MIA2: variants seen among roughly 807,000 people sequenced by gnomAD.
MIA2 encodes melanoma inhibitory activity protein 2.
In MIA2, 127 loss-of-function variants were observed where a neutral mutation model predicts 167.8. That is an observed-to-expected ratio of 0.76 (90% CI 0.66 to 0.88). The LOEUF (loss-of-function observed/expected upper bound fraction) is 0.88, where lower values mean the gene tolerates loss of function less well. Ranked by LOEUF, MIA2 falls within the 40% of genes least tolerant of loss-of-function variation. The pLI is 0.00. For synonymous variants in MIA2, 552 were observed against 541.9 expected, an observed-to-expected ratio of 1.02 and a Z score of -0.26; for missense variants, 1,690 against 1,624.7, an observed-to-expected ratio of 1.04 and a Z score of -0.69.
chr14:39,361,118 T>A (rs1411013115), intron 23 of MIA2, among the ~76,000 whole-genome samples: 4 of 152,228 alleles, frequency 2.6e-5, no homozygotes, highest in African/African-American at 9.6e-5. Flanking sequence ...AGGATTGCTT[T>A]GGCTAGTTCT....
chr14:39,348,936 C>T lies in MIA2; in HGVS notation c.4031C>T (p.Pro1344Leu). 1 of 1,614,094 alleles carries T rather than the reference C, an allele frequency of 6.2e-7. No individual in the cohort carries two copies. Among genetic ancestry groups the T allele is most frequent in the Non-Finnish European group, 8.5e-7 (1 of 1,179,986 alleles). The change falls in exon 28 of 29, where the codon CCA (proline) becomes CTA (leucine). Residue 1344 changes from proline (P) to leucine (L), a missense_variant. Transcript: ENST00000640607. ...TTTGGAGCTTCTCGAGATTATTTTC[C>T]ACCAGGGGATTTCCCAGGTCCACCA... is the stretch of plus-strand genomic sequence containing the variant. The part of the protein sequence containing the change: ...AMFGASRDYF[P>L]PGDFPGPPPA...
intron 7 of MIA2, among the ~76,000 whole-genome samples, chr14:39,277,576 TGG>T (rs1164646174): frequency 6.7e-6 from 1 of 148,848 alleles, no homozygotes; most frequent in Non-Finnish European, 1.5e-5. Context: ...CTCAAACTCC[TGG>T]GCTCAAGTGA....
chr14:39,384,427 G>A (rs1428404093), intron 23 of MIA2, among the ~76,000 whole-genome samples: 1 of 152,166 alleles, frequency 6.6e-6, no homozygotes, highest in Admixed American at 6.5e-5. Flanking sequence ...GGAAATTCAT[G>A]TTTTCATGCC....
At chr14:39,362,873 G>A (rs1332183568) in intron 23 of MIA2, among the ~76,000 whole-genome samples, 1 of 152,014 alleles carries the variant, frequency 6.6e-6, no homozygotes, top group East Asian at 1.9e-4. Flanking sequence ...GGTGTGTTGT[G>A]TTTGTGTTTT....
intron 9 of MIA2, among the ~76,000 whole-genome samples, chr14:39,288,198 G>A (rs2060075206): frequency 6.6e-6 from 1 of 151,780 alleles, no homozygotes; most frequent in Admixed American, 6.6e-5. Flanking sequence ...GTGAGGGTGT[G>A]TGCCTATAGT....
chr14:39,283,866 T>C (rs1403841965), intron 9 of MIA2, among the ~76,000 whole-genome samples: 2 of 152,236 alleles, frequency 1.3e-5, no homozygotes, highest in Non-Finnish European at 2.9e-5. Context: ...GTTTGCTTGC[T>C]GTTGAGTTGT....
chr14:39,263,618 CCTCTCT>C (rs200385683), intron 6 of MIA2, among the ~76,000 whole-genome samples: 1 of 143,470 alleles, frequency 7.0e-6, no homozygotes, highest in African/African-American at 2.7e-5. Context: ...TTCCTTCCTT[CCTCTCT>C]CTCTCTCTCT....
intron 23 of MIA2, among the ~76,000 whole-genome samples, chr14:39,364,074 C>T (rs2074761431): frequency 6.6e-6 from 1 of 151,992 alleles, no homozygotes; most frequent in South Asian, 2.1e-4. Flanking sequence ...AAATTGTTTT[C>T]TGGGGCCGGG....
intron 13 of MIA2, among the ~76,000 whole-genome samples, chr14:39,295,564 T>C (rs2061312299): frequency 6.6e-6 from 1 of 152,170 alleles, no homozygotes; most frequent in African/African-American, 2.4e-5. Context: ...CTTTTTTTTT[T>C]ATTTTTTAAT....
At chr14:39,318,850 C>A (rs1355537974) in intron 22 of MIA2, among the ~76,000 whole-genome samples, 1 of 152,074 alleles carries the variant, frequency 6.6e-6, no homozygotes, top group African/African-American at 2.4e-5. Context: ...AATATTTAAA[C>A]TCCTAGCCTC....
chr14:39,333,701 C>T (rs570921727), intron 25 of MIA2, among the ~76,000 whole-genome samples: 33 of 152,310 alleles, frequency 2.2e-4, no homozygotes, highest in Non-Finnish European at 3.8e-4. Flanking sequence ...TCTAAGTCCT[C>T]CTGCTTTTGT....
intron 23 of MIA2, among the ~76,000 whole-genome samples, chr14:39,380,099 A>G (rs553624651): frequency 1.3e-5 from 2 of 152,340 alleles, no homozygotes; most frequent in South Asian, 4.1e-4. Context: ...AGATATATTA[A>G]GCCAAGAGCA....
At chr14:39,293,928 TATA>T in intron 11 of MIA2, 69 bp from the exon 12 acceptor site, 1 of 1,130,538 alleles carries the variant, frequency 8.8e-7, no homozygotes, top group Non-Finnish European at 1.3e-6. Flanking sequence ...AGGTTAACAG[TATA>T]TCTAATAAAC....
Position 39,302,613 on chromosome 14 carries a change from C to G in MIA2, c.2740+364C>G, listed in dbSNP as rs111599867. 3.1e-3 allele frequency among the ~76,000 whole-genome samples: 470 copies of G among 152,248 alleles called. 4 individuals carry two copies. Among genetic ancestry groups the G allele is most frequent in the African/African-American group, 0.01 (429 of 41,538 alleles). On this transcript the variant is annotated intron_variant, in intron 15 of 28. Transcript: ENST00000640607. ...ATGACTAGTTTGAAGAACAAGTGTT[C>G]TATAAATACTTCAGGATACTTCTTT...
chr14:39,384,479 T>G (rs1339706461), intron 23 of MIA2, among the ~76,000 whole-genome samples: 1 of 152,204 alleles, frequency 6.6e-6, no homozygotes, highest in East Asian at 1.9e-4. Flanking sequence ...GATCAAAGGG[T>G]AATTTCGACT....
intron 6 of MIA2, chr14:39,266,654 G>A: frequency 9.1e-6 from 9 of 985,610 alleles, no homozygotes; most frequent in Non-Finnish European, 9.6e-6. Flanking sequence ...AGGGCGCACC[G>A]GCGCGTGCCC....
chr14:39,242,501 TTAGTAGAGATGGGGTTTC>T (rs937006039), intron 3 of MIA2, among the ~76,000 whole-genome samples: 2 of 152,056 alleles, frequency 1.3e-5, no homozygotes, highest in Non-Finnish European at 2.9e-5. Flanking sequence ...TTTTGTATTT[TTAGTAGAGATGGGGTTTC>T]ACCATGTTGG....
intron 6 of MIA2, among the ~76,000 whole-genome samples, chr14:39,258,688 G>A (rs1187404496): frequency 7.9e-5 from 12 of 152,148 alleles, no homozygotes; most frequent in South Asian, 6.2e-4. Context: ...AATTTTCAGC[G>A]TTTTTGTGCT....
chr14:39,375,049 G>C (rs2075020081), intron 23 of MIA2, among the ~76,000 whole-genome samples: 1 of 152,158 alleles, frequency 6.6e-6, no homozygotes, highest in African/African-American at 2.4e-5. Context: ...ATTAGACTTG[G>C]ATTGGTATGA....
Sources: allele counts gnomAD v4.1 joint callset (sites outside exome capture counted in the v4.1 genomes callset), GRCh38; gene constraint gnomAD v4.1.1; transcripts MANE v1.5; gene names NCBI Gene and HGNC (gene_info 2026-07-23, HGNC 2026-07-21).